The following PCDHGB7 variants were observed in gnomAD, a reference collection of about 807,000 sequenced individuals.
PCDHGB7 encodes the protein protocadherin gamma-B7.
Under a neutral mutation model 61.4 loss-of-function variants are expected in PCDHGB7, and 37 were observed. The observed-to-expected ratio is 0.60, with a 90% CI of 0.46 to 0.79. The LOEUF (loss-of-function observed/expected upper bound fraction) is 0.79. Ranked by LOEUF, PCDHGB7 falls within the 30% of genes least tolerant of loss-of-function variation. The pLI, the probability that PCDHGB7 is intolerant of heterozygous loss-of-function variation, is 0.00. For missense variants in PCDHGB7, 1,166 were observed against 1,202.5 expected (o/e 0.97, Z 0.45); for synonymous variants, 464 against 503.5 (o/e 0.92, Z 1.05).
At chr5:141,470,112 G>T (rs1186184232) in intron 1 of PCDHGB7, among the ~76,000 whole-genome samples, 1 of 152,104 alleles carries the variant, frequency 6.6e-6, no homozygotes, top group Non-Finnish European at 1.5e-5. Flanking sequence ...CTGAGCAACA[G>T]AGCAAGACTT....
rs2099419063 is a variant in PCDHGB7 at position 141,477,824 on chromosome 5, C to G, written c.2416-16983C>G. On this transcript the variant is annotated intron_variant, in intron 1 of 3. Coordinates refer to ENST00000398594, the MANE Select transcript of PCDHGB7 (RefSeq NM_018927.4). This position sits in a 1 kb window ranked among gnomAD's most constrained non-coding sequence, Gnocchi z 4.9. ...TGACAATGCCCCCCAGGTCCTATAT[C>G]CTCGGCCAGGTGGGAGCTCGGTGGA... is the stretch of plus-strand genomic sequence containing the variant. 5.6e-6 allele frequency: 9 copies of G among 1,614,196 alleles called. No individual in the cohort carries two copies. The highest frequency in any genetic ancestry group is 5.9e-6 in the Non-Finnish European group (7 of 1,180,034).
At chr5:141,423,669 T>C in intron 1 of PCDHGB7, 1 of 1,554,480 alleles carries the variant, frequency 6.4e-7, no homozygotes, top group Non-Finnish European at 8.7e-7. Flanking sequence ...AGGTGAGATT[T>C]ATTTCTCTGC....
intron 1 of PCDHGB7, among the ~76,000 whole-genome samples, chr5:141,463,810 A>G (rs1469182885): frequency 6.6e-6 from 1 of 152,178 alleles, no homozygotes; most frequent in Non-Finnish European, 1.5e-5. Context: ...AAAAGCTTTT[A>G]TCACACATTT....
chr5:141,427,892 C>G (rs752723370), intron 1 of PCDHGB7: 2 of 1,567,044 alleles, frequency 1.3e-6, no homozygotes, highest in African/African-American at 2.7e-5. Context: ...ACGACCAGGG[C>G]TCGCCCGCGC....
Position 141,511,381 on chromosome 5 carries a change from G to C in PCDHGB7, c.*208G>C. 8.5e-7 allele frequency: 1 copy of C among 1,170,380 alleles called. No individual in the cohort carries two copies. Among genetic ancestry groups the C allele is most frequent in the Non-Finnish European group, 1.2e-6 (1 of 854,768 alleles). 72.5% of individuals were successfully genotyped at this position (1,170,380 alleles called of 1,614,324 possible). On this transcript the variant is annotated 3_prime_UTR_variant, in exon 4 of 4. Coordinates refer to ENST00000398594, the MANE Select transcript of PCDHGB7 (RefSeq NM_018927.4). The stretch of plus-strand genomic sequence containing the variant: ...GGGTTGAATATGCAAAAGCAGTTCC[G>C]CTGGGAACCCCCATCCAATCAACTG...
At position 141,486,449 on chromosome 5, in the gene PCDHGB7, A is replaced by G; in HGVS notation, c.2416-8358A>G. On this transcript the variant is annotated intron_variant, in intron 1 of 3. Coordinates refer to ENST00000398594, the MANE Select transcript of PCDHGB7 (RefSeq NM_018927.4). The surrounding 1 kb of genome is among the most constrained non-coding windows in gnomAD (Gnocchi z 5.0). The stretch of plus-strand genomic sequence containing the variant: ...CAAATCTAGCTATGACATCATGGTC[A>G]CTGCTTCTGATGCTGGGAACCCTCC... The G allele has an allele frequency of 6.2e-7, 1 of 1,614,184 alleles. No homozygotes were observed. Among genetic ancestry groups the G allele is most frequent in the Non-Finnish European group, 8.5e-7 (1 of 1,180,000 alleles).
At position 141,417,718 on chromosome 5, in the gene PCDHGB7, G is replaced by T; in HGVS notation, c.-142G>T. On this transcript the variant is annotated 5_prime_UTR_variant, in exon 1 of 4. Transcript: ENST00000398594. ...AGCTCCCACACAGAGGCTCCCGGCT[G>T]CGCAGACCTTGCCCAGCACACCAGA... 7.7e-7 allele frequency: 1 copy of T among 1,304,720 alleles called. No homozygotes were observed. 80.8% of individuals were successfully genotyped at this position (1,304,720 alleles called of 1,614,324 possible).
Position 141,511,256 on chromosome 5 carries a change from TTCAGGGC to T in PCDHGB7, c.*85_*91del. 6.4e-7 allele frequency: 1 copy of T among 1,563,506 alleles called. No individual in the cohort carries two copies. Among genetic ancestry groups the T allele is most frequent in the Non-Finnish European group, 8.7e-7 (1 of 1,154,422 alleles). The stretch of plus-strand genomic sequence containing the variant: ...CTTACCTGCACCCAGGCCTCAGAGT[TTCAGGGC>T]TAACCCCCAGAATACTGGTAGGGGC... On this transcript the variant is annotated 3_prime_UTR_variant, in exon 4 of 4. Coordinates refer to ENST00000398594, the MANE Select transcript of PCDHGB7 (RefSeq NM_018927.4).
chr5:141,441,852 G>T (rs1169073404), intron 1 of PCDHGB7: 2 of 352,708 alleles, frequency 5.7e-6, no homozygotes, highest in African/African-American at 2.2e-5. Flanking sequence ...TGGATATGGT[G>T]CTGCACGCCG....
At chr5:141,488,991 T>G in intron 1 of PCDHGB7, 1 of 414,332 alleles carries the variant, frequency 2.4e-6, no homozygotes, top group Non-Finnish European at 4.3e-6. Flanking sequence ...AGAGCTGAGG[T>G]GGGAGATCTG....
In PCDHGB7 at chr5:141,491,652, G is replaced by A. The variant is rs370043428; in HGVS notation, c.2416-3155G>A. ...AGCAGCCCACAGCTCTGGCGCTGGAGCCTGACGCCATCCGGTCCCGCTCTA... is the reference window on the plus strand; with the variant it reads ...AGCAGCCCACAGCTCTGGCGCTGGAACCTGACGCCATCCGGTCCCGCTCTA... On this transcript the variant is annotated intron_variant, in intron 1 of 3. Transcript: ENST00000398594. This position sits in a 1 kb window ranked among gnomAD's most constrained non-coding sequence, Gnocchi z 6.9. 2 of 1,613,726 alleles carry A rather than the reference G, an allele frequency of 1.2e-6. No homozygotes were observed. Among genetic ancestry groups the A allele is most frequent in the African/African-American group, 1.3e-5 (1 of 74,944 alleles).
intron 1 of PCDHGB7, among the ~76,000 whole-genome samples, chr5:141,492,964 C>CT (rs2099745347): frequency 6.6e-6 from 1 of 152,354 alleles, no homozygotes; most frequent in Non-Finnish European, 1.5e-5. Context: ...ATCTGACACT[C>CT]TAACAAGTCC....
At chr5:141,506,699 C>T (rs758682427) in intron 3 of PCDHGB7, among the ~76,000 whole-genome samples, 2 of 152,094 alleles carry the variant, frequency 1.3e-5, no homozygotes, top group Non-Finnish European at 2.9e-5. Flanking sequence ...GACCCAAACC[C>T]GTTTTTTACT....
chr5:141,501,290 TACACACACAC>T (rs55762287), intron 2 of PCDHGB7, among the ~76,000 whole-genome samples: 44 of 136,248 alleles, frequency 3.2e-4, no homozygotes, highest in Admixed American at 7.8e-4. Context: ...TATTCCCTTA[TACACACACAC>T]ACACACACAC....
chr5:141,492,296 G>GACGC lies in PCDHGB7; in HGVS notation c.2416-2500_2416-2497dup, dbSNP rs540417011. 9.7e-4 allele frequency among the ~76,000 whole-genome samples: 148 copies of GACGC among 152,328 alleles called. 2 individuals are homozygous for GACGC. In the South Asian group the frequency reaches 0.014, roughly 14 times the overall value. ...GCCACGCCCCGCCAACACGTGCGCGGACGCACGCACGCACTCCTCGCACGT... is the reference window on the plus strand; with the variant it reads ...GCCACGCCCCGCCAACACGTGCGCGGACGCACGCACGCACGCACTCCTCGCACGT... On this transcript the variant is annotated intron_variant, in intron 1 of 3. Transcript: ENST00000398594.
intron 3 of PCDHGB7, among the ~76,000 whole-genome samples, chr5:141,509,362 G>C (rs2099876497): frequency 6.6e-6 from 1 of 152,152 alleles, no homozygotes; most frequent in Non-Finnish European, 1.5e-5. Flanking sequence ...GCATCCCTGA[G>C]GTTTTAACTG....
chr5:141,426,794 G>C (rs1319220934), intron 1 of PCDHGB7: 1 of 456,708 alleles, frequency 2.2e-6, no homozygotes, highest in East Asian at 6.9e-5. Flanking sequence ...AGAGTTACCA[G>C]CTCAGTTCTA....
chr5:141,439,669 A>T (rs983024479), intron 1 of PCDHGB7, among the ~76,000 whole-genome samples: 4 of 152,174 alleles, frequency 2.6e-5, no homozygotes, highest in Non-Finnish European at 5.9e-5. Context: ...ATGGAATGCA[A>T]ATCCAAGAGC....
At chr5:141,495,652 T>C (rs1403816239) in intron 2 of PCDHGB7, among the ~76,000 whole-genome samples, 2 of 152,336 alleles carry the variant, frequency 1.3e-5, no homozygotes, top group Admixed American at 6.5e-5. Context: ...CTACTTGCAT[T>C]GATCTGTGCC....
Sources: allele counts gnomAD v4.1 joint callset (sites outside exome capture counted in the v4.1 genomes callset), GRCh38; gene constraint gnomAD v4.1.1; non-coding constraint Gnocchi (gnomAD v3.1); transcripts MANE v1.5; gene names NCBI Gene and HGNC (gene_info 2026-07-23, HGNC 2026-07-21).